The following IL1RAPL1 variants were observed in gnomAD, a reference collection of about 807,000 sequenced individuals.
IL1RAPL1 encodes the protein interleukin-1 receptor accessory protein-like 1.
A neutral mutation model predicts 48.4 loss-of-function variants in IL1RAPL1; 3 were observed. The observed-to-expected ratio is 0.06, with a 90% CI of 0.03 to 0.16. IL1RAPL1 has a LOEUF of 0.16. IL1RAPL1 is among the 10% of genes least tolerant of loss of function. The pLI is 1.00. For synonymous variants in IL1RAPL1, 185 were observed against 187.7 expected, an observed-to-expected ratio of 0.99 and a Z score of 0.12; for missense variants, 349 against 530.6, an observed-to-expected ratio of 0.66 and a Z score of 3.36.
At chrX:28,924,235 G>C (rs1199649496) in intron 2 of IL1RAPL1, 1 of 112,099 alleles carries the variant, frequency 8.9e-6, no homozygotes, top group Non-Finnish European at 1.9e-5. Flanking sequence ...CCCATTTGCT[G>C]TGCCAACATT....
At chrX:29,266,874 A>C (rs1476407920) in intron 2 of IL1RAPL1, among the ~76,000 whole-genome samples, 1 of 111,428 alleles carries the variant, frequency 9.0e-6, no homozygotes, top group East Asian at 2.8e-4. Flanking sequence ...TTTTGTTTAT[A>C]CTCAGAAAGG....
chrX:28,802,802 G>A (rs758361333), intron 2 of IL1RAPL1, among the ~76,000 whole-genome samples: 56 of 111,621 alleles, frequency 5.0e-4, no homozygotes, highest in Non-Finnish European at 9.8e-4. Context: ...TAAAGCAATT[G>A]TACTCTCCAA....
intron 6 of IL1RAPL1, among the ~76,000 whole-genome samples, chrX:29,759,010 C>T (rs5927190): frequency 0.25 from 27,127 of 110,324 alleles, 2,547 homozygotes; most frequent in South Asian, 0.39. Flanking sequence ...ACAACTAAAC[C>T]CTAGAGACCA....
chrX:29,684,232 C>A (rs771919524), intron 6 of IL1RAPL1, among the ~76,000 whole-genome samples: 2 of 111,723 alleles, frequency 1.8e-5, no homozygotes, highest in African/African-American at 6.5e-5. Flanking sequence ...GATGGAAGTT[C>A]CAAGATCAAG....
At chrX:29,434,081 TA>T (rs1272152188) in intron 5 of IL1RAPL1, among the ~76,000 whole-genome samples, 3 of 109,353 alleles carry the variant, frequency 2.7e-5, no homozygotes, top group Non-Finnish European at 5.7e-5. Flanking sequence ...TATTTTATAT[TA>T]ATTTTATGTG....
chrX:29,401,861 T>C (rs1933997295), intron 5 of IL1RAPL1, among the ~76,000 whole-genome samples: 1 of 111,078 alleles, frequency 9.0e-6, no homozygotes. Flanking sequence ...AAAGGAATTA[T>C]AAACCTGTCC....
At position 29,402,477 on chromosome X, in the gene IL1RAPL1, G is replaced by A. The variant is rs1934006582; in HGVS notation, c.703+3169G>A. ...TGAGCAACTTAGAGTCAAGGGCAAT[G>A]TCTTTTATTTTTTAAATAAGCATTT... On this transcript the variant is annotated intron_variant, in intron 5 of 10. Transcript: ENST00000378993. Among the ~76,000 whole-genome samples the A allele has an allele frequency of 2.7e-5, 3 of 111,895 alleles. No individual in the cohort carries two copies. The South Asian group carries it at 1.1e-3, about 41-fold the overall frequency.
intron 6 of IL1RAPL1, among the ~76,000 whole-genome samples, chrX:29,704,309 G>A (rs957011097): frequency 4.5e-5 from 5 of 111,157 alleles, no homozygotes; most frequent in Non-Finnish European, 5.7e-5. Context: ...TTATTAATTA[G>A]TGCTTGAGGG....
intron 5 of IL1RAPL1, among the ~76,000 whole-genome samples, chrX:29,544,767 G>A (rs191769737): frequency 7.3e-5 from 8 of 109,854 alleles, no homozygotes; most frequent in African/African-American, 2.0e-4. Flanking sequence ...GTGTGTTTGT[G>A]TGCATTTGTG....
At chrX:29,899,863 A>G (rs1347547736) in intron 6 of IL1RAPL1, among the ~76,000 whole-genome samples, 1 of 111,784 alleles carries the variant, frequency 8.9e-6, no homozygotes, top group Non-Finnish European at 1.9e-5. Flanking sequence ...TTTTTTAAAT[A>G]CTGAAAATAT....
At chrX:29,406,295 A>G (rs898184464) in intron 5 of IL1RAPL1, among the ~76,000 whole-genome samples, 1 of 110,255 alleles carries the variant, frequency 9.1e-6, no homozygotes, top group African/African-American at 3.3e-5. Flanking sequence ...AGGCTGAGGC[A>G]GGAGAATGGC....
intron 1 of IL1RAPL1, among the ~76,000 whole-genome samples, chrX:28,657,145 C>T (rs180758176): frequency 9.0e-6 from 1 of 110,906 alleles, no homozygotes; most frequent in African/African-American, 3.3e-5. Flanking sequence ...TAGGGCTGTA[C>T]GTATAGTAGA....
intron 1 of IL1RAPL1, among the ~76,000 whole-genome samples, chrX:28,689,724 C>T (rs1466210553): frequency 9.0e-6 from 1 of 111,697 alleles, no homozygotes; most frequent in Non-Finnish European, 1.9e-5. Flanking sequence ...CACTTGAGGA[C>T]CTTAATAACA....
At chrX:29,182,728 A>T (rs1382560785) in intron 2 of IL1RAPL1, among the ~76,000 whole-genome samples, 1 of 111,742 alleles carries the variant, frequency 8.9e-6, no homozygotes, top group African/African-American at 3.3e-5. Flanking sequence ...GCCTTCCCAA[A>T]GACATTCATA....
intron 2 of IL1RAPL1, among the ~76,000 whole-genome samples, chrX:28,829,225 T>G (rs1920993294): frequency 8.9e-6 from 1 of 112,049 alleles, no homozygotes; most frequent in African/African-American, 3.2e-5. Flanking sequence ...TTTTTAGCTC[T>G]AATAGGTTTT....
At chrX:29,533,528 T>A (rs1921114623) in intron 5 of IL1RAPL1, among the ~76,000 whole-genome samples, 1 of 112,491 alleles carries the variant, frequency 8.9e-6, no homozygotes, top group South Asian at 3.6e-4. Flanking sequence ...TGTTTCTGCT[T>A]TGAGCTAGTA....
intron 3 of IL1RAPL1, among the ~76,000 whole-genome samples, chrX:29,392,424 T>G (rs1397095763): frequency 8.9e-6 from 1 of 112,517 alleles, no homozygotes; most frequent in South Asian, 3.7e-4. Context: ...GTGTCATATG[T>G]TTATTAATGT....
At chrX:29,462,806 C>G (rs896864117) in intron 5 of IL1RAPL1, among the ~76,000 whole-genome samples, 4 of 111,932 alleles carry the variant, frequency 3.6e-5, no homozygotes, top group Non-Finnish European at 7.5e-5. Flanking sequence ...TGAATGGTTT[C>G]TCTAGAGCCA....
intron 8 of IL1RAPL1, among the ~76,000 whole-genome samples, chrX:29,931,172 ATT>A (rs1333597350): frequency 1.9e-5 from 2 of 106,585 alleles, no homozygotes; most frequent in African/African-American, 6.8e-5. Context: ...GGGAGGGGGG[ATT>A]TTTTTTTTAA....
Sources: allele counts gnomAD v4.1 joint callset (sites outside exome capture counted in the v4.1 genomes callset), GRCh38; gene constraint gnomAD v4.1.1; transcripts MANE v1.5; gene names NCBI Gene and HGNC (gene_info 2026-07-23, HGNC 2026-07-21).